MBD5: variants seen among roughly 807,000 people sequenced by gnomAD.
MBD5 encodes methyl-CpG binding domain protein 5, also known as methyl-CpG-binding domain protein 5.
Under a neutral mutation model 117.3 loss-of-function variants are expected in MBD5, and 13 were observed. That is an observed-to-expected ratio of 0.11 (90% CI 0.07 to 0.18). The LOEUF is 0.18. MBD5 is among the 10% of genes least tolerant of loss of function. The pLI, the probability that MBD5 is intolerant of heterozygous loss-of-function variation, is 1.00. For synonymous variants in MBD5, 727 were observed against 766.4 expected (o/e 0.95, Z 0.85); for missense variants, 1,879 against 2,093.8 (o/e 0.90, Z 2.00).
chr2:148,159,649 T>C (rs1223751399), intron 1 of MBD5, among the ~76,000 whole-genome samples: 1 of 152,184 alleles, frequency 6.6e-6, no homozygotes, highest in African/African-American at 2.4e-5. Context: ...TATAGCATTA[T>C]ACTCATTAAG....
At chr2:148,322,434 A>G (rs751709379) in intron 3 of MBD5, among the ~76,000 whole-genome samples, 2 of 152,194 alleles carry the variant, frequency 1.3e-5, no homozygotes, top group Non-Finnish European at 2.9e-5. Context: ...CATTCAATAA[A>G]TGTTTGTTAA....
chr2:148,325,080 C>T (rs1025522284), intron 3 of MBD5, among the ~76,000 whole-genome samples: 3 of 152,136 alleles, frequency 2.0e-5, no homozygotes, highest in African/African-American at 7.2e-5. Flanking sequence ...TTTTCTGCAT[C>T]TATTGAGATA....
chr2:148,035,392 C>G (rs1694165490), intron 1 of MBD5, among the ~76,000 whole-genome samples: 2 of 152,002 alleles, frequency 1.3e-5, no homozygotes. Flanking sequence ...ATAAAATTAT[C>G]TGTTAATCTT....
chr2:148,378,149 A>G (rs1369900077), intron 4 of MBD5, among the ~76,000 whole-genome samples: 1 of 152,162 alleles, frequency 6.6e-6, no homozygotes, highest in Non-Finnish European at 1.5e-5. Flanking sequence ...ATTCTACAGT[A>G]TTCATTAATT....
intron 1 of MBD5, among the ~76,000 whole-genome samples, chr2:148,139,264 T>G (rs1697248397): frequency 1.3e-5 from 2 of 152,086 alleles, no homozygotes; most frequent in Non-Finnish European, 2.9e-5. Flanking sequence ...TGGAGTGCAG[T>G]GACGCAATCT....
intron 11 of MBD5, among the ~76,000 whole-genome samples, chr2:148,496,625 A>G (rs531738299): frequency 6.6e-6 from 1 of 152,342 alleles, no homozygotes; most frequent in East Asian, 1.9e-4. Flanking sequence ...TAGAAATTAC[A>G]AGTTTATCTG....
At chr2:148,321,296 T>C (rs1702275673) in intron 3 of MBD5, among the ~76,000 whole-genome samples, 2 of 152,072 alleles carry the variant, frequency 1.3e-5, no homozygotes, top group African/African-American at 4.8e-5. Flanking sequence ...ACACTAATGA[T>C]AGCTGATGAA....
intron 4 of MBD5, among the ~76,000 whole-genome samples, chr2:148,355,733 T>G (rs1371737605): frequency 6.6e-6 from 1 of 152,204 alleles, no homozygotes; most frequent in Non-Finnish European, 1.5e-5. Flanking sequence ...AGCTTTGTTG[T>G]TTTTGCTAAG....
intron 12 of MBD5, among the ~76,000 whole-genome samples, chr2:148,506,215 A>G (rs1682026522): frequency 6.6e-6 from 1 of 152,232 alleles, no homozygotes; most frequent in Non-Finnish European, 1.5e-5. Flanking sequence ...TTTATTTAAT[A>G]CATTACTTAG....
chr2:148,486,465 C>G (rs1574480884), intron 10 of MBD5, among the ~76,000 whole-genome samples: 2 of 151,858 alleles, frequency 1.3e-5, no homozygotes, highest in East Asian at 3.9e-4. Context: ...TGACAGAAAA[C>G]CAAGGCAGTC....
intron 1 of MBD5, among the ~76,000 whole-genome samples, chr2:148,051,992 A>G (rs576498859): frequency 2.0e-5 from 3 of 151,930 alleles, no homozygotes; most frequent in African/African-American, 7.2e-5. Flanking sequence ...TTTTATTTCT[A>G]TAAGGTCAGT....
intron 3 of MBD5, among the ~76,000 whole-genome samples, chr2:148,270,484 G>A (rs910183155): frequency 6.6e-6 from 1 of 151,648 alleles, no homozygotes; most frequent in Non-Finnish European, 1.5e-5. Context: ...AGCCTCCAGG[G>A]TTCAAGCGAT....
intron 11 of MBD5, among the ~76,000 whole-genome samples, chr2:148,491,542 A>G (rs1681527729): frequency 6.6e-6 from 1 of 152,040 alleles, no homozygotes; most frequent in Admixed American, 6.5e-5. Flanking sequence ...ACTGTGCTCA[A>G]ACTTTCACTG....
At chr2:148,233,732 A>C (rs1700038291) in intron 3 of MBD5, among the ~76,000 whole-genome samples, 2 of 152,156 alleles carry the variant, frequency 1.3e-5, no homozygotes, top group South Asian at 4.1e-4. Context: ...ATATAACTGT[A>C]AATACTAAAT....
chr2:148,317,748 T>C (rs564843285), intron 3 of MBD5, among the ~76,000 whole-genome samples: 3 of 143,954 alleles, frequency 2.1e-5, no homozygotes, highest in Non-Finnish European at 4.5e-5. Context: ...TTAGCTGTAA[T>C]GACCTCCAGT....
At chr2:148,387,183 A>G (rs1461921744) in intron 4 of MBD5, among the ~76,000 whole-genome samples, 1 of 152,224 alleles carries the variant, frequency 6.6e-6, no homozygotes, top group Non-Finnish European at 1.5e-5. Flanking sequence ...GACTGAGTAT[A>G]ATAATGTATA....
chr2:148,029,358 A>G (rs879084175), intron 1 of MBD5, among the ~76,000 whole-genome samples: 2 of 152,112 alleles, frequency 1.3e-5, no homozygotes, highest in Admixed American at 1.3e-4. Context: ...TGAATTCTGT[A>G]GAAGGTGTTA....
intron 11 of MBD5, among the ~76,000 whole-genome samples, chr2:148,500,681 T>C (rs930977627): frequency 6.6e-6 from 1 of 152,192 alleles, no homozygotes; most frequent in African/African-American, 2.4e-5. Flanking sequence ...TGTGACCTGA[T>C]CAACCCCTTC....
intron 3 of MBD5, among the ~76,000 whole-genome samples, chr2:148,260,120 G>C (rs1229994023): frequency 1.3e-5 from 2 of 152,150 alleles, no homozygotes; most frequent in Admixed American, 6.5e-5. Context: ...CTTCATGTAA[G>C]ATTTCTCTAG....
Sources: gnomAD v4.1 joint callset for allele counts (sites outside exome capture counted in the v4.1 genomes callset) on GRCh38, gnomAD v4.1.1 for gene constraint, MANE v1.5 for transcripts, NCBI Gene and HGNC (gene_info 2026-07-23, HGNC 2026-07-21) for gene names.